PSD3: variants seen among roughly 807,000 people sequenced by gnomAD.
The protein encoded by PSD3 is pleckstrin and Sec7 domain containing 3, also known as PH and SEC7 domain-containing protein 3.
In PSD3, 49 loss-of-function variants were observed where a neutral mutation model predicts 105.5. That is an observed-to-expected ratio of 0.46 (90% CI 0.37 to 0.59). The LOEUF (loss-of-function observed/expected upper bound fraction) is 0.59, where lower values mean the gene tolerates loss of function less well. Among genes scored for constraint, PSD3 ranks in the 20% least tolerant of loss-of-function variants. The pLI, the probability that PSD3 is intolerant of heterozygous loss-of-function variation, is 0.00. For missense variants in PSD3, 1,561 were observed against 1,263.8 expected, an observed-to-expected ratio of 1.24 and a Z score of -3.57; for synonymous variants, 557 against 457.8, an observed-to-expected ratio of 1.22 and a Z score of -2.77.
At chr8:18,603,452 T>C (rs1201239238) in intron 11 of PSD3, among the ~76,000 whole-genome samples, 1 of 152,232 alleles carries the variant, frequency 6.6e-6, no homozygotes, top group Non-Finnish European at 1.5e-5. Context: ...GAAGTTCCTT[T>C]AGTGAGGAGG....
At chr8:18,649,141 C>T (rs1364323617) in intron 10 of PSD3, among the ~76,000 whole-genome samples, 1 of 152,186 alleles carries the variant, frequency 6.6e-6, no homozygotes, top group Non-Finnish European at 1.5e-5. Context: ...GGCTACCATC[C>T]TCCAAACCCC....
In PSD3 at chr8:18,782,387, A is replaced by C. The variant is rs997084698; in HGVS notation, c.2083-16849T>G. Among the ~76,000 whole-genome samples the C allele has an allele frequency of 5.9e-5, 9 of 152,042 alleles. No homozygotes were observed. In the East Asian group the frequency reaches 1.7e-3, roughly 30 times the overall value. On this transcript the variant is annotated intron_variant, in intron 8 of 15. Transcript: ENST00000327040. The stretch of plus-strand genomic sequence containing the variant: ...GTTTGGGTAAGGCGTTTTGGCTTTG[A>C]TTCTGGGTGGGAGAAGCAGTGCAGT...
At chr8:18,614,166 A>G (rs1805480604) in intron 11 of PSD3, among the ~76,000 whole-genome samples, 1 of 152,140 alleles carries the variant, frequency 6.6e-6, no homozygotes, top group South Asian at 2.1e-4. Context: ...TAGGACGTGT[A>G]TGCTTCCTTC....
chr8:18,871,797 A>G lies in PSD3; in HGVS notation c.1067T>C (p.Leu356Ser). 1.2e-6 allele frequency: 2 copies of G among 1,614,212 alleles called. No homozygotes were observed. Among genetic ancestry groups the G allele is most frequent in the Non-Finnish European group, 1.7e-6 (2 of 1,180,036 alleles). Reference protein sequence around the residue: ...SSAGLCNSSSLTENVWDESWK... With the variant: ...SSAGLCNSSSSTENVWDESWK... ...GGATTCATCCCAAACATTCTCAGTT[A>G]AACTACTTGAATTACACAAACCAGC... is the stretch of plus-strand genomic sequence containing the variant. Residue 356 changes from leucine (L) to serine (S), a missense_variant, in exon 3 of 16, where the codon TTA (leucine) becomes TCA (serine). Transcript: ENST00000327040.
chr8:18,566,184 A>G (rs1364633971), intron 14 of PSD3, among the ~76,000 whole-genome samples: 2 of 152,180 alleles, frequency 1.3e-5, no homozygotes, highest in Non-Finnish European at 2.9e-5. Context: ...TCTTATCTTT[A>G]GAAACAAACC....
intron 9 of PSD3, among the ~76,000 whole-genome samples, chr8:18,740,191 G>A (rs1042747039): frequency 3.9e-5 from 6 of 152,072 alleles, no homozygotes; most frequent in Non-Finnish European, 5.9e-5. Context: ...TCTGATCTCC[G>A]ACTGGCCCGC....
At chr8:18,833,632 T>G (rs765507734) in intron 4 of PSD3, among the ~76,000 whole-genome samples, 1 of 152,232 alleles carries the variant, frequency 6.6e-6, no homozygotes, top group Non-Finnish European at 1.5e-5. Flanking sequence ...CTGTGTAAGT[T>G]ACCAGAGCAT....
chr8:19,003,897 G>A (rs79514962), intron 1 of PSD3, among the ~76,000 whole-genome samples: 18,119 of 151,760 alleles, frequency 0.12, 1,320 homozygotes, highest in Non-Finnish European at 0.16. Context: ...GAACTAATTA[G>A]GTTCTAGGGG....
At position 18,836,750 on chromosome 8, in the gene PSD3, T is replaced by G. The variant is rs1814141927; in HGVS notation, c.1634+30924A>C. Among the ~76,000 whole-genome samples, 5 of 152,130 alleles carry G rather than the reference T, an allele frequency of 3.3e-5. No homozygotes were observed. In the South Asian group the frequency reaches 1.0e-3, roughly 32 times the overall value. ...ATAATACTGAATACAATGCAAATGCTATGACAATAATTGTTTTTCTGCCTT... is the reference window on the plus strand; with the variant it reads ...ATAATACTGAATACAATGCAAATGCGATGACAATAATTGTTTTTCTGCCTT... On this transcript the variant is annotated intron_variant, in intron 4 of 15. Transcript: ENST00000327040.
chr8:19,065,381 A>G (rs1281593909), intron 1 of PSD3, among the ~76,000 whole-genome samples: 2 of 152,252 alleles, frequency 1.3e-5, no homozygotes, highest in African/African-American at 2.4e-5. Flanking sequence ...AAATTCTGAT[A>G]CTATCTACCT....
chr8:18,630,588 A>T (rs983346060), intron 11 of PSD3, among the ~76,000 whole-genome samples: 4 of 152,008 alleles, frequency 2.6e-5, no homozygotes, highest in Non-Finnish European at 5.9e-5. Context: ...GTCTAGCAGG[A>T]AGTAGTAAAT....
intron 2 of PSD3, among the ~76,000 whole-genome samples, chr8:18,906,115 T>C (rs1343301062): frequency 2.6e-5 from 4 of 152,212 alleles, no homozygotes; most frequent in Admixed American, 2.6e-4. Context: ...TTCTGTTCTT[T>C]AAGTCTCAGA....
intron 11 of PSD3, among the ~76,000 whole-genome samples, chr8:18,602,068 G>A (rs1264439883): frequency 2.0e-5 from 3 of 152,114 alleles, no homozygotes; most frequent in Admixed American, 6.5e-5. Flanking sequence ...CAAAGCATTG[G>A]CTAATGCTGG....
At chr8:18,602,403 T>A (rs938989573) in intron 11 of PSD3, among the ~76,000 whole-genome samples, 5 of 152,104 alleles carry the variant, frequency 3.3e-5, no homozygotes, top group African/African-American at 1.2e-4. Context: ...CTGACTTACT[T>A]ATTGTACTCA....
chr8:18,777,321 G>A (rs576373913), intron 8 of PSD3, among the ~76,000 whole-genome samples: 2 of 152,306 alleles, frequency 1.3e-5, no homozygotes, highest in South Asian at 4.1e-4. Flanking sequence ...GATTACAAGT[G>A]TGAGCCACTG....
At position 19,045,465 on chromosome 8, in the gene PSD3, A is replaced by G. The variant is rs111244719; in HGVS notation, c.324+38741T>C. Among the ~76,000 whole-genome samples the G allele has an allele frequency of 2.4e-3, 373 of 152,290 alleles. 2 individuals are homozygous for G. The highest frequency in any genetic ancestry group is 8.4e-3 in the African/African-American group (349 of 41,572). ...AGCCAGCCGCCCTTGAACACAGCCA[A>G]GCTTCTTTCCTGGACAAACAATAAG... is the stretch of plus-strand genomic sequence containing the variant. On this transcript the variant is annotated intron_variant, in intron 1 of 1. Coordinates refer to the PSD3 transcript ENST00000521475.
chr8:18,831,851 T>A (rs974266697), intron 4 of PSD3, among the ~76,000 whole-genome samples: 2 of 152,192 alleles, frequency 1.3e-5, no homozygotes, highest in African/African-American at 4.8e-5. Flanking sequence ...CTATTCATAT[T>A]CAGTTCTGAG....
chr8:18,764,973 G>C (rs1232234432), intron 9 of PSD3, among the ~76,000 whole-genome samples: 1 of 152,130 alleles, frequency 6.6e-6, no homozygotes, highest in Non-Finnish European at 1.5e-5. Context: ...CAATAATAAA[G>C]CCAAATGCAA....
At chr8:18,954,712 G>A (rs1329822074) in intron 1 of PSD3, among the ~76,000 whole-genome samples, 1 of 152,100 alleles carries the variant, frequency 6.6e-6, no homozygotes, top group East Asian at 1.9e-4. Context: ...GTATATCTGA[G>A]AATTCCTTGA....
Sources: allele counts gnomAD v4.1 joint callset (sites outside exome capture counted in the v4.1 genomes callset), GRCh38; gene constraint gnomAD v4.1.1; transcripts MANE v1.5; gene names NCBI Gene and HGNC (gene_info 2026-07-23, HGNC 2026-07-21).